The following ALKBH4 variants were observed in gnomAD, a reference collection of about 807,000 sequenced individuals.
ALKBH4 encodes the protein alpha-ketoglutarate-dependent dioxygenase alkB homolog 4.
ALKBH4 carries 8 observed loss-of-function variants against 12.1 expected under a neutral mutation model. The ratio of observed to expected loss-of-function variants is 0.66; its 90% confidence interval spans 0.39 to 1.19. ALKBH4 has a LOEUF of 1.19. ALKBH4 is among the 50% of genes most tolerant of loss of function. The pLI is 0.01. For synonymous variants in ALKBH4, 195 were observed against 191.6 expected (o/e 1.02, Z -0.15); for missense variants, 403 against 430.4 (o/e 0.94, Z 0.56).
At chr7:102,460,811 C>T (rs1797777988) in intron 1 of ALKBH4, among the ~76,000 whole-genome samples, 1 of 152,112 alleles carries the variant, frequency 6.6e-6, no homozygotes, top group South Asian at 2.1e-4. Context: ...GCGTGAGGGT[C>T]ACCTAGGAGG....
At chr7:102,462,809 A>G (rs1172279276) in intron 1 of ALKBH4, among the ~76,000 whole-genome samples, 3 of 152,190 alleles carry the variant, frequency 2.0e-5, no homozygotes, top group Admixed American at 2.0e-4. Flanking sequence ...AGCCCTTGGC[A>G]ACAACCCTTC....
chr7:102,462,741 T>A (rs546513299), intron 1 of ALKBH4, among the ~76,000 whole-genome samples: 1 of 152,214 alleles, frequency 6.6e-6, no homozygotes, highest in Non-Finnish European at 1.5e-5. Flanking sequence ...AACTTTTTCA[T>A]CTTGCAAAAC....
chr7:102,463,884 A>G (rs1346351972), intron 1 of ALKBH4, among the ~76,000 whole-genome samples: 1 of 152,228 alleles, frequency 6.6e-6, no homozygotes, highest in Non-Finnish European at 1.5e-5. Context: ...ACCAGCCTCC[A>G]CACCTTCATA....
In ALKBH4 at chr7:102,457,867, C is replaced by T; in HGVS notation, c.436G>A (p.Glu146Lys). 1 of 1,612,388 alleles carries T rather than the reference C, an allele frequency of 6.2e-7. No homozygotes were observed. Among genetic ancestry groups the T allele is most frequent in the Non-Finnish European group, 8.5e-7 (1 of 1,180,002 alleles). Residue 146 changes from glutamate (E) to lysine (K), a missense_variant, in exon 3 of 3, where the codon GAG becomes AAG. Coordinates refer to ENST00000292566, the MANE Select transcript of ALKBH4 (RefSeq NM_017621.4). The surrounding 1 kb of genome is among the most constrained non-coding windows in gnomAD (Gnocchi z 5.9). ...VRRMGLYPGL[E>K]GFRPVEQCNL... ...CACTGCTCGACGGGCCGGAAGCCCT[C>T]CAGCCCCGGGTAGAGGCCCATCCTC...
In ALKBH4 at chr7:102,464,812, G is replaced by A. The variant is rs971073515; in HGVS notation, c.25C>T (p.Pro9Ser). MAAAAAET[P>S]EVLRECGCKG... Reference sequence around the variant, plus strand: ...CAACCGCATTCCCGAAGGACTTCGGGGGTCTCGGCGGCAGCCGCCGCCATC... The same window carrying A: ...CAACCGCATTCCCGAAGGACTTCGGAGGTCTCGGCGGCAGCCGCCGCCATC... Residue 9 changes from proline (P) to serine (S), a missense_variant, in exon 1 of 3, where the codon CCC becomes TCC. Transcript: ENST00000292566. 5 of 1,542,818 alleles carry A rather than the reference G, an allele frequency of 3.2e-6. No homozygotes were observed. In the South Asian group the frequency reaches 3.6e-5, roughly 11 times the overall value.
rs1277679583 is a variant in ALKBH4 at position 102,457,990 on chromosome 7, T to C, written c.322-9A>G. The C allele has an allele frequency of 1.3e-6, 2 of 1,593,002 alleles. No individual in the cohort carries two copies. Among genetic ancestry groups the C allele is most frequent in the South Asian group, 1.1e-5 (1 of 89,550 alleles). On this transcript the variant is annotated splice_polypyrimidine_tract_variant and intron_variant, in intron 2 of 2. Transcript: ENST00000292566. The surrounding 1 kb of genome is among the most constrained non-coding windows in gnomAD (Gnocchi z 5.9). The stretch of plus-strand genomic sequence containing the variant: ...ACTTTGGGGCCATAGTCCTGAAGGA[T>C]GAAGACAAAGAGGACATGAGGTGTC...
chr7:102,457,739 G>C lies in ALKBH4; in HGVS notation c.564C>G (p.Pro188=), dbSNP rs922049562. 74 of 1,577,306 alleles carry C rather than the reference G, an allele frequency of 4.7e-5. No homozygotes were observed. The highest frequency in any genetic ancestry group is 8.8e-5 in the Admixed American group (5 of 57,092). ...CCTCCCGACACATGGACAGCACGGT[G>C]GGGGACAGGAGGTTGAGGCTGACCA... ...ERLVSLNLLS[P]TVLSMCREAP... is the part of the protein sequence containing the mutation. The change falls in exon 3 of 3, where the codon CCC becomes CCG. Residue 188 remains proline (P), a synonymous_variant. Coordinates refer to ENST00000292566, the MANE Select transcript of ALKBH4 (RefSeq NM_017621.4). This position sits in a 1 kb window ranked among gnomAD's most constrained non-coding sequence, Gnocchi z 5.9.
rs1772129874 is a variant in ALKBH4 at position 102,456,547 on chromosome 7, T to G, written c.*847A>C. 6.6e-6 allele frequency: 1 copy of G among 152,072 alleles called. No individual in the cohort carries two copies. Among genetic ancestry groups the G allele is most frequent in the South Asian group, 2.1e-4 (1 of 4,816 alleles). The allele number at this position is 152,072 out of a possible 1,614,324, so 9.4% of individuals were successfully genotyped here. A position where few individuals can be genotyped will look rare whatever the true frequency, so the allele number is the denominator to read the frequency against. On this transcript the variant is annotated 3_prime_UTR_variant, in exon 3 of 3. Transcript: ENST00000292566. The stretch of plus-strand genomic sequence containing the variant: ...GAGTCACCGCGCCTGGCCGGGAGCT[T>G]TAATTTTTCCTACTTGTTAACAGCG...
chr7:102,459,304 T>C (rs1281590307), intron 2 of ALKBH4: 5 of 302,936 alleles, frequency 1.7e-5, no homozygotes, highest in Admixed American at 4.8e-5. Flanking sequence ...CAATGGGAGG[T>C]GGGGGCGCCT....
At chr7:102,461,424 G>A (rs1797791111) in intron 1 of ALKBH4, among the ~76,000 whole-genome samples, 1 of 151,978 alleles carries the variant, frequency 6.6e-6, no homozygotes, top group Non-Finnish European at 1.5e-5. Context: ...GCAGTGGCAC[G>A]ATCTCGGCTC....
chr7:102,463,980 CT>C (rs1244688509), intron 1 of ALKBH4, among the ~76,000 whole-genome samples: 1 of 152,106 alleles, frequency 6.6e-6, no homozygotes, highest in Non-Finnish European at 1.5e-5. Context: ...TCTCCAGGGC[CT>C]TTGGGACAAG....
In ALKBH4 at chr7:102,464,707, C is replaced by G; in HGVS notation, c.123+7G>C. On this transcript the variant is annotated splice_region_variant and intron_variant, in intron 1 of 2. Coordinates refer to ENST00000292566, the MANE Select transcript of ALKBH4 (RefSeq NM_017621.4). Reference sequence around the variant, plus strand: ...TTTGTGGGCGCGGCCCCTCTCCCACCCCTTACCGCTGGGGGCAGCTCCCAG... The same window carrying G: ...TTTGTGGGCGCGGCCCCTCTCCCACGCCTTACCGCTGGGGGCAGCTCCCAG... The G allele has an allele frequency of 6.5e-7, 1 of 1,532,596 alleles. No homozygotes were observed. Among genetic ancestry groups the G allele is most frequent in the Non-Finnish European group, 8.7e-7 (1 of 1,142,986 alleles). 94.9% of individuals were successfully genotyped at this position (1,532,596 alleles called of 1,614,324 possible). A position where few individuals can be genotyped will look rare whatever the true frequency, so the allele number is the denominator to read the frequency against.
rs982396349 is a variant in ALKBH4, at chr7:102,459,588, C to T, written c.321+16G>A. The T allele has an allele frequency of 1.2e-6, 2 of 1,606,762 alleles. No homozygotes were observed. Among genetic ancestry groups the T allele is most frequent in the African/African-American group, 2.7e-5 (2 of 74,844 alleles). ...AGCGCAGCCCAGCAACCCCCATGAG[C>T]TCAGGGCCGGTCTACCTGCTTCCTC... On this transcript the variant is annotated intron_variant, in intron 2 of 2. Transcript: ENST00000292566.
Position 102,457,558 on chromosome 7 carries a change from G to A in ALKBH4, c.745C>T (p.Arg249Trp), listed in dbSNP as rs767584826. The A allele has an allele frequency of 2.5e-6, 4 of 1,611,002 alleles. No homozygotes were observed. Among genetic ancestry groups the A allele is most frequent in the East Asian group, 2.2e-5 (1 of 44,874 alleles). ...RSLLVLTGAA[R>W]HQWKHAIHRR... ...TGGATGGCATGCTTCCACTGGTGCC[G>A]TGCCGCCCCGGTGAGGACCAGCAGG... is the stretch of plus-strand genomic sequence containing the variant. Residue 249 changes from arginine to tryptophan, a missense_variant, in exon 3 of 3, where the codon CGG becomes TGG. By Grantham distance (101) the Arg-to-Trp change is moderately radical. Transcript: ENST00000292566. This position sits in a 1 kb window ranked among gnomAD's most constrained non-coding sequence, Gnocchi z 5.9.
In ALKBH4 at chr7:102,459,816, C is replaced by A; in HGVS notation, c.124-15G>T. ...CGGTATGTTTTCTGCAAAAGAAACA[C>A]AAGTCCACAGGCTGGGCAACACAGC... On this transcript the variant is annotated splice_polypyrimidine_tract_variant and intron_variant, in intron 1 of 2. Coordinates refer to ENST00000292566, the MANE Select transcript of ALKBH4 (RefSeq NM_017621.4). 1.3e-6 allele frequency: 2 copies of A among 1,578,170 alleles called. No individual in the cohort carries two copies. The highest frequency in any genetic ancestry group is 1.2e-5 in the South Asian group (1 of 85,466).
chr7:102,464,790 C>T lies in ALKBH4; in HGVS notation c.47G>A (p.Gly16Asp). ...AETPEVLREC[G>D]CKGIRTCLIC... The stretch of plus-strand genomic sequence containing the variant: ...CAGACAGGTCCGGATGCCCTTGCAA[C>T]CGCATTCCCGAAGGACTTCGGGGGT... The change falls in exon 1 of 3, where the codon GGT becomes GAT. Residue 16 changes from glycine (G) to aspartate (D), a missense_variant. Coordinates refer to ENST00000292566, the MANE Select transcript of ALKBH4 (RefSeq NM_017621.4). The T allele has an allele frequency of 1.3e-6, 2 of 1,569,118 alleles. No homozygotes were observed. The highest frequency in any genetic ancestry group is 1.7e-6 in the Non-Finnish European group (2 of 1,162,062).
chr7:102,463,232 T>C (rs1325544691), intron 1 of ALKBH4, among the ~76,000 whole-genome samples: 3 of 151,730 alleles, frequency 2.0e-5, no homozygotes, highest in Non-Finnish European at 2.9e-5. Context: ...ATTACAGGTG[T>C]GAGCCACTGT....
rs1797674889 is a variant in ALKBH4 at position 102,457,276 on chromosome 7, G to A, written c.*118C>T. 2 of 1,216,488 alleles carry A rather than the reference G, an allele frequency of 1.6e-6. No individual in the cohort carries two copies. Among genetic ancestry groups the A allele is most frequent in the African/African-American group, 1.5e-5 (1 of 66,418 alleles). The allele number at this position is 1,216,488 out of a possible 1,614,324, so 75.4% of individuals were successfully genotyped here. A position where few individuals can be genotyped will look rare whatever the true frequency, so the allele number is the denominator to read the frequency against. ...CCTGCTCCTGGGCAGGGCTCACACT[G>A]CTCACAGCATCAGGGGTCAGCCATC... On this transcript the variant is annotated 3_prime_UTR_variant, in exon 3 of 3. Transcript: ENST00000292566. This position sits in a 1 kb window ranked among gnomAD's most constrained non-coding sequence, Gnocchi z 5.9.
In ALKBH4 at chr7:102,460,849, G is replaced by A. The variant is rs537055476; in HGVS notation, c.124-1048C>T. On this transcript the variant is annotated intron_variant, in intron 1 of 2. Coordinates refer to ENST00000292566, the MANE Select transcript of ALKBH4 (RefSeq NM_017621.4). The stretch of plus-strand genomic sequence containing the variant: ...AGCCAACTTCCCTACAGAGCTGAGC[G>A]TTCAGTTGAGCTCCTCAGTGTCCCA... Among the ~76,000 whole-genome samples the A allele has an allele frequency of 4.6e-5, 7 of 152,252 alleles. No individual in the cohort carries two copies. The South Asian group carries it at 8.3e-4, about 18-fold the overall frequency.
Sources: allele counts gnomAD v4.1 joint callset (sites outside exome capture counted in the v4.1 genomes callset), GRCh38; gene constraint gnomAD v4.1.1; non-coding constraint Gnocchi (gnomAD v3.1); transcripts MANE v1.5; gene names NCBI Gene and HGNC (gene_info 2026-07-23, HGNC 2026-07-21).